ZDHHC7: variants seen among roughly 807,000 people sequenced by gnomAD.
The protein encoded by ZDHHC7 is palmitoyltransferase ZDHHC7.
In ZDHHC7, 12 loss-of-function variants were observed where a neutral mutation model predicts 34.1. The observed-to-expected ratio is 0.35, with a 90% CI of 0.23 to 0.57. ZDHHC7 has a LOEUF of 0.57. ZDHHC7 is among the 20% of genes least tolerant of loss of function. The pLI is 0.84. For missense variants in ZDHHC7, 388 were observed against 402.7 expected (o/e 0.96, Z 0.31); for synonymous variants, 185 against 155.4 (o/e 1.19, Z -1.42).
chr16:84,998,462 T>C (rs567598275), intron 1 of ZDHHC7, among the ~76,000 whole-genome samples: 277 of 152,250 alleles, frequency 1.8e-3, no homozygotes, highest in Non-Finnish European at 2.4e-3. Flanking sequence ...TTTTTCTGCC[T>C]GAGTCAACCC....
chr16:85,006,145 C>G (rs1266709065), intron 1 of ZDHHC7, among the ~76,000 whole-genome samples: 1 of 152,268 alleles, frequency 6.6e-6, no homozygotes, highest in East Asian at 1.9e-4. Flanking sequence ...AGGAGGAACA[C>G]TTGAGTTAAA....
intron 1 of ZDHHC7, among the ~76,000 whole-genome samples, chr16:85,005,573 C>G (rs145185044): frequency 6.6e-6 from 1 of 152,180 alleles, no homozygotes; most frequent in Non-Finnish European, 1.5e-5. Context: ...TTCCAAAGCC[C>G]GTGTTCTTCC....
At chr16:85,020,748 C>A in the ZDHHC7 span, among the ~76,000 whole-genome samples, 73 of 152,148 alleles carry the variant, frequency 4.8e-4, no homozygotes, top group African/African-American at 1.7e-3. Context: ...AGGTGAAGGA[C>A]GCTGGCATAT....
upstream of ZDHHC7, chr16:85,011,631 G>A (rs941824669): frequency 6.6e-6 from 1 of 152,262 alleles, no homozygotes; most frequent in African/African-American, 2.4e-5. Flanking sequence ...GGACCCGGAG[G>A]CTCTTACAAA....
At chr16:85,017,460 T>A in the ZDHHC7 span, among the ~76,000 whole-genome samples, 1 of 152,200 alleles carries the variant, frequency 6.6e-6, no homozygotes, top group Non-Finnish European at 1.5e-5. Flanking sequence ...CTGCTCAAAC[T>A]GAACATGCAC....
the ZDHHC7 span, among the ~76,000 whole-genome samples, chr16:85,019,227 C>G: frequency 1.3e-5 from 2 of 152,214 alleles, no homozygotes; most frequent in Non-Finnish European, 2.9e-5. Context: ...TTACTCCTTG[C>G]CACATCTCAC....
chr16:84,979,948 CCTTTTTT>C (rs2072345376), intron 4 of ZDHHC7, among the ~76,000 whole-genome samples: 1 of 135,136 alleles, frequency 7.4e-6, no homozygotes, highest in African/African-American at 2.9e-5. Context: ...CATAGCGTCA[CCTTTTTT>C]TTTTTTTTTT....
chr16:85,015,762 C>T (rs1321908664), upstream of ZDHHC7, among the ~76,000 whole-genome samples: 1 of 151,700 alleles, frequency 6.6e-6, no homozygotes, highest in Non-Finnish European at 1.5e-5. Context: ...GGGAGGACTG[C>T]TTGAGCCCAG....
At position 85,005,514 on chromosome 16, in the gene ZDHHC7, G is replaced by A. The variant is rs1276431353; in HGVS notation, c.-104+5772C>T. Among the ~76,000 whole-genome samples the A allele has an allele frequency of 4.6e-5, 7 of 152,170 alleles. No homozygotes were observed. In the East Asian group the frequency reaches 9.6e-4, roughly 21 times the overall value. On this transcript the variant is annotated intron_variant, in intron 1 of 7. Coordinates refer to ENST00000313732, the MANE Select transcript of ZDHHC7 (RefSeq NM_017740.3). ...CAAAATTGAGTCTTAGAGGCTAAGT[G>A]CCTTGCTCAGATCCACAGCCAGTTA...
At chr16:85,024,239 T>G in the ZDHHC7 span, among the ~76,000 whole-genome samples, 4 of 149,154 alleles carry the variant, frequency 2.7e-5, no homozygotes, top group South Asian at 2.1e-4. Flanking sequence ...TGTTTTTTTT[T>G]TTTTTTTTTT....
intron 1 of ZDHHC7, 103 bp from the exon 2 acceptor site, chr16:84,996,110 G>A (rs1285775109): frequency 2.6e-5 from 4 of 152,118 alleles, no homozygotes; most frequent in East Asian, 1.9e-4. Flanking sequence ...AACATTTGAC[G>A]CATCAAGTTC....
chr16:85,011,604 C>T (rs2072794708), upstream of ZDHHC7: 1 of 152,256 alleles, frequency 6.6e-6, no homozygotes, highest in Admixed American at 6.5e-5. Flanking sequence ...GAGAGGGGCG[C>T]TCGAGGCGGT....
intron 1 of ZDHHC7, among the ~76,000 whole-genome samples, chr16:85,000,309 G>C (rs970621852): frequency 1.3e-5 from 2 of 152,114 alleles, no homozygotes; most frequent in Non-Finnish European, 2.9e-5. Flanking sequence ...TTTCTTCCTG[G>C]ATAACCCGCG....
chr16:84,981,742 C>A, intron 4 of ZDHHC7, 128 bp downstream of exon 4: 1 of 1,542,372 alleles, frequency 6.5e-7, no homozygotes, highest in South Asian at 1.2e-5. Flanking sequence ...TACGGCCCCG[C>A]CCGTACAACG....
intron 1 of ZDHHC7, among the ~76,000 whole-genome samples, chr16:85,003,253 T>C (rs1370902687): frequency 6.6e-6 from 1 of 151,988 alleles, no homozygotes; most frequent in East Asian, 1.9e-4. Flanking sequence ...TGAGGCTGGG[T>C]CCAGGGGGGC....
chr16:84,996,830 C>T (rs1030248746), intron 1 of ZDHHC7, among the ~76,000 whole-genome samples: 3 of 152,052 alleles, frequency 2.0e-5, no homozygotes, highest in African/African-American at 7.2e-5. Context: ...AGTTCAAGAC[C>T]AGCCTGGCCA....
chr16:84,992,102 G>T (rs2072517447), intron 2 of ZDHHC7, among the ~76,000 whole-genome samples: 1 of 151,192 alleles, frequency 6.6e-6, no homozygotes, highest in Non-Finnish European at 1.5e-5. Context: ...CTTGAACCTG[G>T]GAGGCGGAGG....
chr16:84,976,678 C>T (rs1276147132), intron 7 of ZDHHC7, among the ~76,000 whole-genome samples, 159 bp from the exon 8 acceptor site: 1 of 152,242 alleles, frequency 6.6e-6, no homozygotes, highest in Non-Finnish European at 1.5e-5. Flanking sequence ...GACCCCGTGG[C>T]CTCTGTGAGC....
chr16:84,996,710 T>G (rs945737611), intron 1 of ZDHHC7, among the ~76,000 whole-genome samples: 1 of 152,108 alleles, frequency 6.6e-6, no homozygotes, highest in African/African-American at 2.4e-5. Flanking sequence ...AGGTTCCAAG[T>G]GCTTGTCGTA....
Sources: gnomAD v4.1 joint callset for allele counts (sites outside exome capture counted in the v4.1 genomes callset) on GRCh38, gnomAD v4.1.1 for gene constraint, MANE v1.5 for transcripts, NCBI Gene and HGNC (gene_info 2026-07-23, HGNC 2026-07-21) for gene names.